The following ZFHX3 variants were observed in gnomAD, a reference collection of about 807,000 sequenced individuals.
The protein encoded by ZFHX3 is zinc finger homeobox 3.
In ZFHX3, 42 loss-of-function variants were observed where a neutral mutation model predicts 279.1. That is an observed-to-expected ratio of 0.15 (90% confidence interval 0.12 to 0.19). ZFHX3 has a LOEUF of 0.19. Ranked by LOEUF, ZFHX3 falls within the 10% of genes least tolerant of loss-of-function variation. ZFHX3 has a pLI of 1.00. For synonymous variants in ZFHX3, 2,293 were observed against 1,957.8 expected, an observed-to-expected ratio of 1.17 and a Z score of -4.52; for missense variants, 4,981 against 4,754.0, an observed-to-expected ratio of 1.05 and a Z score of -1.40.
chr16:73,831,866 G>C (rs765265900), intron 1 of ZFHX3, among the ~76,000 whole-genome samples: 1 of 152,178 alleles, frequency 6.6e-6, no homozygotes, highest in Non-Finnish European at 1.5e-5. Flanking sequence ...TCTGGCCAGG[G>C]CTGGCCCTCA....
chr16:73,614,698 A>C (rs186161229), intron 2 of ZFHX3, among the ~76,000 whole-genome samples: 55 of 152,262 alleles, frequency 3.6e-4, no homozygotes, highest in Non-Finnish European at 4.9e-4. Flanking sequence ...CACCTTTATG[A>C]ATAGAAAGTG....
In ZFHX3 at chr16:73,108,802, C is replaced by T. The variant is rs181283448; in HGVS notation, c.-896-15204G>A. ...GTTGATTAGGTCCTTTTGGGATCAG[C>T]ATCAAACCGAAAACAATAATAAACA... On this transcript the variant is annotated intron_variant, in intron 7 of 17. Coordinates refer to the ZFHX3 transcript ENST00000641206. Among the ~76,000 whole-genome samples the T allele has an allele frequency of 1.1e-4, 16 of 152,338 alleles. No individual in the cohort carries two copies. In the East Asian group the frequency reaches 3.1e-3, roughly 29 times the overall value.
At chr16:73,648,689 A>C (rs551437372) in intron 2 of ZFHX3, among the ~76,000 whole-genome samples, 1 of 152,266 alleles carries the variant, frequency 6.6e-6, no homozygotes, top group African/African-American at 2.4e-5. Context: ...TGGGATTATA[A>C]GTGTGAGCCA....
At chr16:72,981,759 A>G (rs1001047276) in intron 1 of ZFHX3, among the ~76,000 whole-genome samples, 17 of 152,170 alleles carry the variant, frequency 1.1e-4, no homozygotes, top group African/African-American at 3.9e-4. Flanking sequence ...ACTCTGTGCA[A>G]TGGACTTCTT....
chr16:73,658,080 G>A (rs1218466331), intron 2 of ZFHX3, among the ~76,000 whole-genome samples: 2 of 152,086 alleles, frequency 1.3e-5, no homozygotes, highest in African/African-American at 4.8e-5. Flanking sequence ...GTTTTCTAAA[G>A]CTAATTATCA....
intron 1 of ZFHX3, among the ~76,000 whole-genome samples, chr16:73,802,160 G>T (rs1424894845): frequency 1.3e-5 from 2 of 151,488 alleles, no homozygotes; most frequent in Non-Finnish European, 2.9e-5. Context: ...CAAAATGTGT[G>T]ACTTTTTTTT....
intron 3 of ZFHX3, among the ~76,000 whole-genome samples, chr16:72,937,056 C>T (rs1960161704): frequency 1.3e-5 from 2 of 152,102 alleles, no homozygotes; most frequent in South Asian, 4.1e-4. Flanking sequence ...GGAGGTGGCC[C>T]TAACCGAGAT....
chr16:73,704,836 T>C (rs149069329), intron 1 of ZFHX3, among the ~76,000 whole-genome samples: 4 of 152,260 alleles, frequency 2.6e-5, no homozygotes, highest in East Asian at 3.9e-4. Context: ...CAGTGTAGAA[T>C]TGCATCTCCA....
chr16:73,656,606 G>A (rs2052723299), intron 2 of ZFHX3, among the ~76,000 whole-genome samples: 1 of 152,170 alleles, frequency 6.6e-6, no homozygotes, highest in African/African-American at 2.4e-5. Context: ...GTGTGGGGGT[G>A]TGTGCCTGTG....
intron 1 of ZFHX3, among the ~76,000 whole-genome samples, chr16:73,003,226 A>C (rs1006383475): frequency 6.6e-6 from 1 of 152,018 alleles, no homozygotes; most frequent in Non-Finnish European, 1.5e-5. Context: ...TTTATGTATA[A>C]ATTTCCTTTG....
intron 2 of ZFHX3, among the ~76,000 whole-genome samples, chr16:73,617,018 C>T (rs1458203477): frequency 6.6e-6 from 1 of 152,158 alleles, no homozygotes; most frequent in Non-Finnish European, 1.5e-5. Flanking sequence ...AAGCACTCGG[C>T]CATTTTCTGT....
intron 2 of ZFHX3, among the ~76,000 whole-genome samples, chr16:73,661,464 T>C (rs534969428): frequency 6.6e-6 from 1 of 152,312 alleles, no homozygotes; most frequent in Non-Finnish European, 1.5e-5. Context: ...CTCACGCCTA[T>C]AATCCCAGCA....
chr16:73,607,538 C>A (rs144883814), intron 2 of ZFHX3, among the ~76,000 whole-genome samples: 27 of 152,106 alleles, frequency 1.8e-4, no homozygotes, highest in Admixed American at 1.5e-3. Flanking sequence ...CTATAAAATG[C>A]GGAAAATACT....
At chr16:73,478,923 G>C (rs555516205) in intron 2 of ZFHX3, among the ~76,000 whole-genome samples, 1 of 152,076 alleles carries the variant, frequency 6.6e-6, no homozygotes. Flanking sequence ...ATGGTGGTGC[G>C]CGCCTGTAAT....
chr16:73,665,852 T>C (rs1387652889), intron 2 of ZFHX3, among the ~76,000 whole-genome samples: 1 of 142,418 alleles, frequency 7.0e-6, no homozygotes, highest in Non-Finnish European at 1.5e-5. Flanking sequence ...AGTCTTGCTC[T>C]GTCACCCAGG....
chr16:73,793,156 T>C (rs1226563452), intron 1 of ZFHX3, among the ~76,000 whole-genome samples: 8 of 152,222 alleles, frequency 5.3e-5, no homozygotes, highest in Admixed American at 3.9e-4. Context: ...TTCTTCCTTC[T>C]GTCCCTCTGT....
At chr16:73,816,349 AG>A (rs1960570726) in intron 1 of ZFHX3, among the ~76,000 whole-genome samples, 1 of 152,212 alleles carries the variant, frequency 6.6e-6, no homozygotes, top group African/African-American at 2.4e-5. Flanking sequence ...GTATGTTCAT[AG>A]GAAAGTGAGT....
intron 4 of ZFHX3, among the ~76,000 whole-genome samples, chr16:73,280,507 G>C (rs971999574): frequency 3.9e-5 from 6 of 152,172 alleles, no homozygotes; most frequent in Middle Eastern, 3.4e-3. Context: ...AGGAAAAGGT[G>C]TTTACCATCA....
intron 3 of ZFHX3, among the ~76,000 whole-genome samples, chr16:73,367,204 T>C (rs2016545176): frequency 6.6e-6 from 1 of 152,056 alleles, no homozygotes; most frequent in Admixed American, 6.5e-5. Flanking sequence ...CGCCACCCAA[T>C]GCATGGTCAT....
Sources: allele counts gnomAD v4.1 joint callset (sites outside exome capture counted in the v4.1 genomes callset), GRCh38; gene constraint gnomAD v4.1.1; transcripts MANE v1.5; gene names NCBI Gene and HGNC (gene_info 2026-07-23, HGNC 2026-07-21).